Variants in PLPP4 observed in about 807,000 individuals in gnomAD.
The protein encoded by PLPP4 is phospholipid phosphatase 4.
Under a neutral mutation model 32.2 loss-of-function variants are expected in PLPP4, and 20 were observed. That is an observed-to-expected ratio of 0.62 (90% CI 0.44 to 0.90). The LOEUF (loss-of-function observed/expected upper bound fraction) is 0.90, where lower values mean the gene tolerates loss of function less well. Among genes scored for constraint, PLPP4 ranks in the 40% least tolerant of loss-of-function variants. The pLI is 0.00. For synonymous variants in PLPP4, 127 were observed against 133.0 expected (o/e 0.95, Z 0.31); for missense variants, 257 against 353.1 (o/e 0.73, Z 2.18).
chr10:120,520,166 G>A (rs1236108479), intron 4 of PLPP4, among the ~76,000 whole-genome samples: 1 of 152,166 alleles, frequency 6.6e-6, no homozygotes, highest in African/African-American at 2.4e-5. Flanking sequence ...ATTGCTGCAG[G>A]AGGCTCGACT....
intron 1 of PLPP4, among the ~76,000 whole-genome samples, chr10:120,491,434 G>T (rs1025555299): frequency 6.6e-6 from 1 of 152,188 alleles, no homozygotes; most frequent in Admixed American, 6.5e-5. Flanking sequence ...GACTCATTTT[G>T]TGACTGACCC....
chr10:120,479,936 G>A (rs2133814188), intron 1 of PLPP4, among the ~76,000 whole-genome samples: 1 of 152,332 alleles, frequency 6.6e-6, no homozygotes, highest in South Asian at 2.1e-4. Flanking sequence ...ATTATTGAAA[G>A]GCTATGGATG....
intron 1 of PLPP4, among the ~76,000 whole-genome samples, chr10:120,482,506 A>G (rs1844253559): frequency 6.6e-6 from 1 of 152,186 alleles, no homozygotes; most frequent in Admixed American, 6.5e-5. Context: ...CTAAGCAGCA[A>G]AACATTCAAG....
chr10:120,519,461 T>A (rs889348094), intron 4 of PLPP4, among the ~76,000 whole-genome samples: 22 of 151,290 alleles, frequency 1.5e-4, no homozygotes, highest in African/African-American at 5.4e-4. Flanking sequence ...ACACACTAGA[T>A]CCCCTCTCAG....
chr10:120,533,918 T>G (rs1343055144), intron 5 of PLPP4, among the ~76,000 whole-genome samples: 1 of 152,198 alleles, frequency 6.6e-6, no homozygotes, highest in African/African-American at 2.4e-5. Flanking sequence ...GCAAATATAT[T>G]ATCTTTCCAT....
At chr10:120,576,627 A>G (rs567453621) in intron 6 of PLPP4, among the ~76,000 whole-genome samples, 3 of 152,296 alleles carry the variant, frequency 2.0e-5, no homozygotes, top group East Asian at 1.9e-4. Context: ...GATGAAGGGT[A>G]TAGGGAAAGA....
At position 120,541,987 on chromosome 10, in the gene PLPP4, A is replaced by G. The variant is rs1300969743; in HGVS notation, c.445+20892A>G. On this transcript the variant is annotated intron_variant, in intron 5 of 6. Coordinates refer to ENST00000398250, the MANE Select transcript of PLPP4 (RefSeq NM_001030059.3). ...GAAATGGGATTTCACCATGTTGGCC[A>G]GGCTGGTCTCAAACTCCTGACCTCG... 2.6e-5 allele frequency among the ~76,000 whole-genome samples: 4 copies of G among 152,326 alleles called. No individual in the cohort carries two copies. The East Asian group carries it at 5.8e-4, about 22-fold the overall frequency.
At chr10:120,487,682 A>G (rs1844524114) in intron 1 of PLPP4, among the ~76,000 whole-genome samples, 1 of 152,186 alleles carries the variant, frequency 6.6e-6, no homozygotes, top group Admixed American at 6.5e-5. Context: ...GGGTGCTGAA[A>G]CTTTTGGCTT....
At position 120,506,006 on chromosome 10, in the gene PLPP4, T is replaced by C. The variant is rs971340265; in HGVS notation, c.165+2080T>C. ...GTGTCCTAGATTTATGAACAATGGA[T>C]TGTTTTGAAGTCTAGATACAAATGC... On this transcript the variant is annotated intron_variant, in intron 2 of 6. Transcript: ENST00000398250. Among the ~76,000 whole-genome samples, 10 of 152,228 alleles carry C rather than the reference T, an allele frequency of 6.6e-5. 1 individual carries two copies. The highest frequency in any genetic ancestry group is 6.5e-4 in the Admixed American group (10 of 15,286).
At chr10:120,542,625 C>T (rs1003652754) in intron 5 of PLPP4, among the ~76,000 whole-genome samples, 3 of 152,172 alleles carry the variant, frequency 2.0e-5, no homozygotes, top group Admixed American at 6.5e-5. Flanking sequence ...ACTTTTGCCC[C>T]ACATGTGTAA....
intron 1 of PLPP4, among the ~76,000 whole-genome samples, chr10:120,471,671 A>G (rs1312677089): frequency 1.3e-5 from 2 of 152,002 alleles, no homozygotes; most frequent in African/African-American, 4.8e-5. Context: ...ATTTAGTTAT[A>G]TCTTTTAACT....
chr10:120,498,613 G>C (rs990389659), intron 1 of PLPP4, among the ~76,000 whole-genome samples: 1 of 151,784 alleles, frequency 6.6e-6, no homozygotes, highest in Non-Finnish European at 1.5e-5. Context: ...TCAGTACAGA[G>C]GGCCCTGAGT....
chr10:120,575,280 G>A lies in PLPP4; in HGVS notation c.595G>A (p.Asp199Asn), dbSNP rs774344764. ...GATGATTGCCCTGTCCCGCATGTGC[G>A]ACTACAAGCATCACTGGCAAGGTGA... Reference protein sequence around the residue: ...AMMIALSRMCDYKHHWQDSFV... With the variant: ...AMMIALSRMCNYKHHWQDSFV... Residue 199 changes from aspartate to asparagine, a missense_variant, in exon 6 of 7, where the codon GAC (aspartate) becomes AAC (asparagine). By Grantham distance (23) the Asp-to-Asn change is conservative (BLOSUM62 1). Transcript: ENST00000398250. The A allele has an allele frequency of 2.4e-5, 39 of 1,613,778 alleles. No homozygotes were observed. The highest frequency in any genetic ancestry group is 4.4e-5 in the South Asian group (4 of 91,068).
chr10:120,576,378 G>T (rs1324859053), intron 6 of PLPP4, among the ~76,000 whole-genome samples: 1 of 152,200 alleles, frequency 6.6e-6, no homozygotes, highest in Non-Finnish European at 1.5e-5. Flanking sequence ...TTGCAGGACT[G>T]CCCTCTTCCT....
At chr10:120,496,701 C>T (rs1051027055) in intron 1 of PLPP4, among the ~76,000 whole-genome samples, 2 of 152,162 alleles carry the variant, frequency 1.3e-5, no homozygotes, top group Non-Finnish European at 2.9e-5. Context: ...ACATCATGGA[C>T]ACTCAGTAAA....
chr10:120,462,005 G>C (rs1463751694), intron 1 of PLPP4, among the ~76,000 whole-genome samples: 1 of 152,186 alleles, frequency 6.6e-6, no homozygotes, highest in African/African-American at 2.4e-5. Flanking sequence ...ACCTCTAAGA[G>C]CCCAGTGTAA....
At chr10:120,483,416 C>T (rs1844303320) in intron 1 of PLPP4, among the ~76,000 whole-genome samples, 1 of 152,176 alleles carries the variant, frequency 6.6e-6, no homozygotes, top group African/African-American at 2.4e-5. Context: ...CTGATTAATA[C>T]ATTCTCTTAG....
At chr10:120,570,754 C>G (rs192476708) in intron 5 of PLPP4, among the ~76,000 whole-genome samples, 1 of 152,072 alleles carries the variant, frequency 6.6e-6, no homozygotes, top group African/African-American at 2.4e-5. Context: ...TTAGTGATTC[C>G]TTTTCAGTGT....
intron 1 of PLPP4, among the ~76,000 whole-genome samples, chr10:120,458,354 G>A (rs1847887043): frequency 6.6e-6 from 1 of 152,222 alleles, no homozygotes; most frequent in Middle Eastern, 3.4e-3. Context: ...GAACTTTTTG[G>A]ATTTGCCATG....
Sources: allele counts gnomAD v4.1 joint callset (sites outside exome capture counted in the v4.1 genomes callset), GRCh38; gene constraint gnomAD v4.1.1; transcripts MANE v1.5; gene names NCBI Gene and HGNC (gene_info 2026-07-23, HGNC 2026-07-21).